Variants in KCNIP4 observed in about 807,000 individuals in gnomAD.
KCNIP4 encodes Kv channel-interacting protein 4.
KCNIP4 carries 12 observed loss-of-function variants against 34.0 expected under a neutral mutation model. The ratio of observed to expected loss-of-function variants is 0.35; its 90% CI spans 0.23 to 0.57. The LOEUF (loss-of-function observed/expected upper bound fraction) is 0.57, where lower values mean the gene tolerates loss of function less well. KCNIP4 is among the 20% of genes least tolerant of loss of function. The pLI, the probability that KCNIP4 is intolerant of heterozygous loss-of-function variation, is 0.83. For missense variants in KCNIP4, 238 were observed against 311.7 expected, an observed-to-expected ratio of 0.76 and a Z score of 1.78; for synonymous variants, 124 against 102.2, an observed-to-expected ratio of 1.21 and a Z score of -1.29.
chr4:21,355,674 A>G (rs1718508340), intron 1 of KCNIP4, among the ~76,000 whole-genome samples: 2 of 152,184 alleles, frequency 1.3e-5, no homozygotes, highest in Admixed American at 1.3e-4. Flanking sequence ...CCTACCAACC[A>G]AGAAAAAGTC....
At chr4:21,553,852 T>A (rs2109020109) in intron 1 of KCNIP4, among the ~76,000 whole-genome samples, 1 of 152,206 alleles carries the variant, frequency 6.6e-6, no homozygotes, top group Admixed American at 6.5e-5. Flanking sequence ...ATTTAGGACT[T>A]ACCCCAAAAT....
chr4:21,797,284 G>A (rs369779477), intron 1 of KCNIP4, among the ~76,000 whole-genome samples: 2 of 152,214 alleles, frequency 1.3e-5, no homozygotes, highest in South Asian at 4.2e-4. Context: ...AGGAGTACAG[G>A]TTTGTGCCAC....
rs577173706 is a variant in KCNIP4, at chr4:21,369,012, T to C, written c.62-486303A>G. Among the ~76,000 whole-genome samples the C allele has an allele frequency of 2.9e-3, 420 of 147,220 alleles. 68 individuals carry two copies. The highest frequency in any genetic ancestry group is 0.011 in the African/African-American group (402 of 36,944). On this transcript the variant is annotated intron_variant, in intron 1 of 8. Transcript: ENST00000382152. ...CATCCATCCATCCATCTACCTATCC[T>C]TTCTGATTGCAGTAAAGGGATGCAG...
chr4:20,888,260 T>C (rs1415833208), intron 1 of KCNIP4, among the ~76,000 whole-genome samples: 1 of 152,046 alleles, frequency 6.6e-6, no homozygotes, highest in African/African-American at 2.4e-5. Context: ...AAATCAGAAA[T>C]TGTATTTTTT....
chr4:21,200,328 ATATATATATACATACATATATGTGTG>A lies in KCNIP4; in HGVS notation c.62-317645_62-317620del, dbSNP rs1560803296. Among the ~76,000 whole-genome samples the A allele has an allele frequency of 2.6e-4, 28 of 108,190 alleles. 2 individuals carry two copies. The highest frequency in any genetic ancestry group is 1.2e-3 in the African/African-American group (26 of 22,606). The allele number at this position is 108,190 out of a possible 152,430, so 71.0% of individuals were successfully genotyped here. A position where few individuals can be genotyped will look rare whatever the true frequency, so the allele number is the denominator to read the frequency against. The stretch of plus-strand genomic sequence containing the variant: ...TATATATACATACATATATGTGTGT[ATATATATATACATACATATATGTGTG>A]TATATATATATACATACATATATGT... On this transcript the variant is annotated intron_variant, in intron 1 of 8. Transcript: ENST00000382152.
At chr4:21,379,706 T>C (rs1721301948) in intron 1 of KCNIP4, among the ~76,000 whole-genome samples, 1 of 152,194 alleles carries the variant, frequency 6.6e-6, no homozygotes, top group Non-Finnish European at 1.5e-5. Flanking sequence ...TTTAAATCCT[T>C]CATCCTTCAA....
intron 1 of KCNIP4, among the ~76,000 whole-genome samples, chr4:21,386,006 A>G (rs543810635): frequency 1.6e-4 from 25 of 152,332 alleles, no homozygotes; most frequent in Non-Finnish European, 3.5e-4. Flanking sequence ...AATCAAGGAA[A>G]AAATATCACA....
chr4:20,870,011 G>A lies in KCNIP4; in HGVS notation c.163+12597C>T, dbSNP rs1183292119. ...TGTAAAATAGTGGCTGGCACATAGT[G>A]TTTAAAATACTTATTATTATATCAC... On this transcript the variant is annotated intron_variant, in intron 2 of 8. Coordinates refer to ENST00000382152, the MANE Select transcript of KCNIP4 (RefSeq NM_025221.6). Among the ~76,000 whole-genome samples, 5 of 152,074 alleles carry A rather than the reference G, an allele frequency of 3.3e-5. No individual in the cohort carries two copies. The East Asian group carries it at 5.8e-4, about 18-fold the overall frequency.
intron 1 of KCNIP4, among the ~76,000 whole-genome samples, chr4:21,053,829 A>T (rs1358733620): frequency 6.6e-6 from 1 of 152,194 alleles, no homozygotes; most frequent in African/African-American, 2.4e-5. Context: ...TATATGAGGA[A>T]AACTACAAAA....
chr4:21,461,076 G>T (rs955607410), intron 1 of KCNIP4, among the ~76,000 whole-genome samples: 13 of 152,038 alleles, frequency 8.6e-5, no homozygotes, highest in Non-Finnish European at 1.8e-4. Flanking sequence ...TTGTAATTCT[G>T]ACATGTCAAA....
At chr4:21,099,156 A>T (rs754340938) in intron 1 of KCNIP4, among the ~76,000 whole-genome samples, 3 of 152,168 alleles carry the variant, frequency 2.0e-5, no homozygotes, top group African/African-American at 4.8e-5. Context: ...CTATTATAAA[A>T]ATACATGCAC....
intron 1 of KCNIP4, among the ~76,000 whole-genome samples, chr4:20,982,152 A>G (rs530107307): frequency 1.2e-4 from 18 of 152,330 alleles, no homozygotes; most frequent in African/African-American, 4.1e-4. Context: ...CTTTGACAAT[A>G]TAAGAACTGT....
chr4:21,441,569 A>G, intron 1 of KCNIP4, among the ~76,000 whole-genome samples: 1 of 152,184 alleles, frequency 6.6e-6, no homozygotes, highest in South Asian at 2.1e-4. Flanking sequence ...AAAGCACAGA[A>G]TTAGGCAAAT....
chr4:21,524,042 C>T (rs1735768133), intron 1 of KCNIP4, among the ~76,000 whole-genome samples: 1 of 152,098 alleles, frequency 6.6e-6, no homozygotes, highest in African/African-American at 2.4e-5. Context: ...TGAAGGGGCT[C>T]AGGTTTGGTA....
At chr4:21,027,526 T>C (rs1740658664) in intron 1 of KCNIP4, among the ~76,000 whole-genome samples, 1 of 150,730 alleles carries the variant, frequency 6.6e-6, no homozygotes, top group Admixed American at 6.6e-5. Flanking sequence ...TTTAGGTGCA[T>C]AATTTTGGGA....
chr4:21,632,464 A>T (rs751757070), intron 1 of KCNIP4, among the ~76,000 whole-genome samples: 5 of 152,120 alleles, frequency 3.3e-5, no homozygotes, highest in Non-Finnish European at 7.3e-5. Context: ...ACCCCAAGTG[A>T]TCCACCCGGC....
At chr4:21,442,801 T>C (rs995637289) in intron 1 of KCNIP4, among the ~76,000 whole-genome samples, 13 of 152,188 alleles carry the variant, frequency 8.5e-5, no homozygotes, top group African/African-American at 3.1e-4. Context: ...TTAAATACCT[T>C]TGATATGCTA....
intron 1 of KCNIP4, among the ~76,000 whole-genome samples, chr4:21,640,136 C>G (rs989036963): frequency 2.6e-5 from 4 of 152,158 alleles, no homozygotes; most frequent in African/African-American, 7.2e-5. Context: ...ACTCTATCAT[C>G]AACTAGCCAA....
chr4:20,827,321 A>T (rs1717881835), intron 3 of KCNIP4, among the ~76,000 whole-genome samples: 1 of 152,114 alleles, frequency 6.6e-6, no homozygotes, highest in East Asian at 1.9e-4. Context: ...CATGGACGGG[A>T]TTGCTTTTCA....
Sources: allele counts gnomAD v4.1 joint callset (sites outside exome capture counted in the v4.1 genomes callset), GRCh38; gene constraint gnomAD v4.1.1; transcripts MANE v1.5; gene names NCBI Gene and HGNC (gene_info 2026-07-23, HGNC 2026-07-21).